COX20: variants seen among roughly 807,000 people sequenced by gnomAD.
COX20 encodes the protein cytochrome c oxidase assembly protein COX20, mitochondrial.
Under a neutral mutation model 14.3 loss-of-function variants are expected in COX20, and 14 were observed. That is an observed-to-expected ratio of 0.98 (90% CI 0.65 to 1.53). The LOEUF (loss-of-function observed/expected upper bound fraction) is 1.53, where lower values mean the gene tolerates loss of function less well. Ranked by LOEUF, COX20 falls within the 40% of genes most tolerant of loss-of-function variation. The pLI, the probability that COX20 is intolerant of heterozygous loss-of-function variation, is 0.00. For missense variants in COX20, 149 were observed against 142.1 expected (o/e 1.05, Z -0.25); for synonymous variants, 56 against 51.7 (o/e 1.08, Z -0.36).
At chr1:244,836,422 T>C in intron 1 of COX20, 3 of 1,427,182 alleles carry the variant, frequency 2.1e-6, no homozygotes, top group South Asian at 2.5e-5. Flanking sequence ...AACCAAGCGC[T>C]CTCCCTGGAA....
chr1:244,838,866 C>T (rs1573310857), intron 1 of COX20, among the ~76,000 whole-genome samples: 1 of 152,018 alleles, frequency 6.6e-6, no homozygotes, highest in Non-Finnish European at 1.5e-5. Context: ...CATCTTGGCT[C>T]ACTGCAACCT....
rs1181998264 is a variant in COX20, at chr1:244,843,877, C to T, written c.*701C>T. 1.3e-5 allele frequency: 2 copies of T among 152,184 alleles called. No individual in the cohort carries two copies. Among genetic ancestry groups the T allele is most frequent in the Non-Finnish European group, 2.9e-5 (2 of 68,034 alleles). 9.4% of individuals were successfully genotyped at this position (152,184 alleles called of 1,614,324 possible). On this transcript the variant is annotated 3_prime_UTR_variant, in exon 4 of 4. Transcript: ENST00000411948. ...AATCCATTTGAAAGTCAATCAGCTG[C>T]TCCCATTAAAATATTATTTAAAATA...
chr1:244,837,926 TTA>T (rs1282548471), intron 1 of COX20, among the ~76,000 whole-genome samples: 5 of 152,202 alleles, frequency 3.3e-5, no homozygotes, highest in African/African-American at 9.7e-5. Context: ...AGAGGACTTA[TTA>T]TAGTCATCTG....
At chr1:244,842,338 A>AT in intron 3 of COX20, 80 bp downstream of exon 3, 5 of 972,910 alleles carry the variant, frequency 5.1e-6, no homozygotes, top group Non-Finnish European at 6.7e-6. Context: ...TTTTCAGAGC[A>AT]GTCTCCCATT....
Position 244,835,735 on chromosome 1 carries a change from C to G in COX20, c.21C>G (p.Pro7=). 1.6e-6 allele frequency: 2 copies of G among 1,260,888 alleles called. No homozygotes were observed. The highest frequency in any genetic ancestry group is 1.0e-6 in the Non-Finnish European group (1 of 999,374). The allele number at this position is 1,260,888 out of a possible 1,614,324, so 78.1% of individuals were successfully genotyped here. Residue 7 remains proline, a synonymous_variant, in exon 1 of 4, where the codon CCC becomes CCG. Transcript: ENST00000411948. MAAPPE[P]GEPEERKSLK... ...TCCTCATGGCCGCCCCGCCGGAGCCCGGTGAGCCCGAGGAGAGGAAGGTAA... is the reference window on the plus strand; with the variant it reads ...TCCTCATGGCCGCCCCGCCGGAGCCGGGTGAGCCCGAGGAGAGGAAGGTAA...
intron 3 of COX20, chr1:244,842,674 TAC>T: frequency 4.3e-6 from 1 of 232,128 alleles, no homozygotes; most frequent in Non-Finnish European, 8.4e-6. Context: ...CATGAATTTC[TAC>T]AGTGAGCTAT....
chr1:244,838,521 C>T (rs941945040), intron 1 of COX20, among the ~76,000 whole-genome samples: 21 of 152,232 alleles, frequency 1.4e-4, no homozygotes, highest in Admixed American at 1.2e-3. Context: ...AACCAGGAGA[C>T]GTATTTGAAG....
rs1332194585 is a variant in COX20, at chr1:244,843,655, G to A, written c.*479G>A. The A allele has an allele frequency of 6.6e-6, 1 of 152,362 alleles. No homozygotes were observed. Among genetic ancestry groups the A allele is most frequent in the Non-Finnish European group, 1.5e-5 (1 of 68,166 alleles). The allele number at this position is 152,362 out of a possible 1,614,324, so 9.4% of individuals were successfully genotyped here. A position where few individuals can be genotyped will look rare whatever the true frequency, so the allele number is the denominator to read the frequency against. On this transcript the variant is annotated 3_prime_UTR_variant, in exon 4 of 4. Coordinates refer to ENST00000411948, the MANE Select transcript of COX20 (RefSeq NM_198076.6). ...TATTTTTTAAATGCATTCATCATTTGACAGTGTTCTCTCATTTCTTAAAAT... is the reference window on the plus strand; with the variant it reads ...TATTTTTTAAATGCATTCATCATTTAACAGTGTTCTCTCATTTCTTAAAAT...
chr1:244,840,619 A>T (rs1164735015), intron 1 of COX20: 1 of 152,204 alleles, frequency 6.6e-6, no homozygotes, highest in Admixed American at 6.5e-5. Flanking sequence ...AGACAGAGGG[A>T]AAAAATGGAA....
chr1:244,836,602 AGGT>A, intron 1 of COX20: 6 of 1,233,018 alleles, frequency 4.9e-6, no homozygotes, highest in Non-Finnish European at 6.9e-6. Flanking sequence ...AGGGCAGAAC[AGGT>A]ATTCAGAAAA....
At chr1:244,836,623 G>GC (rs1321118918) in intron 1 of COX20, 1 of 1,074,906 alleles carries the variant, frequency 9.3e-7, no homozygotes, top group Non-Finnish European at 1.3e-6. Context: ...AAAGAATAAT[G>GC]CAAGAGGAAA....
rs776767802 is a variant in COX20 at position 244,843,120 on chromosome 1, T to C, written c.301T>C (p.Tyr101His). 1.5e-5 allele frequency: 24 copies of C among 1,600,884 alleles called. No homozygotes were observed. In the Admixed American group the frequency reaches 1.8e-4, roughly 12 times the overall value. Residue 101 changes from tyrosine (Y) to histidine (H), a missense_variant, in exon 4 of 4, where the codon TAT becomes CAT. Coordinates refer to ENST00000411948, the MANE Select transcript of COX20 (RefSeq NM_198076.6). Reference protein sequence around the residue: ...AREEIKKKILYEGTHLDPERK... With the variant: ...AREEIKKKILHEGTHLDPERK... ...AGAAGAAATTAAAAAGAAGATATTA[T>C]ATGAAGGTACCCACCTCGATCCTGA...
Position 244,844,589 on chromosome 1 carries a change from C to T in COX20, c.*1413C>T, listed in dbSNP as rs1294097451. 2 of 152,210 alleles carry T rather than the reference C, an allele frequency of 1.3e-5. No homozygotes were observed. Among genetic ancestry groups the T allele is most frequent in the Non-Finnish European group, 2.9e-5 (2 of 68,088 alleles). The allele number at this position is 152,210 out of a possible 1,614,324, so 9.4% of individuals were successfully genotyped here. A position where few individuals can be genotyped will look rare whatever the true frequency, so the allele number is the denominator to read the frequency against. On this transcript the variant is annotated 3_prime_UTR_variant, in exon 4 of 4. Transcript: ENST00000411948. Reference sequence around the variant, plus strand: ...CCTGGCCAACAGGGTGAAACCCTGTCTCGTCTAAAAATACAAAAATTAGCC... The same window carrying T: ...CCTGGCCAACAGGGTGAAACCCTGTTTCGTCTAAAAATACAAAAATTAGCC...
intron 1 of COX20, chr1:244,840,796 C>T (rs1680170768): frequency 6.6e-6 from 1 of 152,162 alleles, no homozygotes; most frequent in African/African-American, 2.4e-5. Context: ...ATCCTTTCCC[C>T]ATTTCTTCTA....
At chr1:244,838,039 CTT>C (rs1274170147) in intron 1 of COX20, among the ~76,000 whole-genome samples, 1 of 152,122 alleles carries the variant, frequency 6.6e-6, no homozygotes, top group East Asian at 1.9e-4. Flanking sequence ...AAAAAATTGT[CTT>C]TTGATGTATC....
At chr1:244,835,928 G>C (rs1036241906) in intron 1 of COX20, among the ~76,000 whole-genome samples, 172 bp downstream of exon 1, 23 of 152,188 alleles carry the variant, frequency 1.5e-4, no homozygotes, top group Non-Finnish European at 2.2e-4. Flanking sequence ...TTTAATCTAA[G>C]TGGCCGGGAC....
intron 2 of COX20, 64 bp downstream of exon 2, chr1:244,842,122 AT>A (rs771476660): frequency 1.3e-4 from 188 of 1,463,300 alleles, no homozygotes; most frequent in African/African-American, 2.8e-4. Flanking sequence ...ATAATGAACT[AT>A]TTTTTTTTCT....
chr1:244,843,196 T>G lies in COX20; in HGVS notation c.*20T>G, dbSNP rs865889424. 1.5e-6 allele frequency: 2 copies of G among 1,346,462 alleles called. No individual in the cohort carries two copies. Among genetic ancestry groups the G allele is most frequent in the African/African-American group, 1.8e-5 (1 of 54,904 alleles). The allele number at this position is 1,346,462 out of a possible 1,614,324, so 83.4% of individuals were successfully genotyped here. ...AATTGAACAATCTTGAGCATAGAAGTCAATGTAAACGAAGTTAAGATCAAC... is the reference window on the plus strand; with the variant it reads ...AATTGAACAATCTTGAGCATAGAAGGCAATGTAAACGAAGTTAAGATCAAC... On this transcript the variant is annotated 3_prime_UTR_variant, in exon 4 of 4. Coordinates refer to ENST00000411948, the MANE Select transcript of COX20 (RefSeq NM_198076.6).
intron 1 of COX20, chr1:244,836,346 T>C: frequency 1.4e-6 from 1 of 690,574 alleles, no homozygotes; most frequent in Admixed American, 2.5e-5. Context: ...CTGCCTAACA[T>C]CCAGTCGTAG....
Sources: allele counts gnomAD v4.1 joint callset (sites outside exome capture counted in the v4.1 genomes callset), GRCh38; gene constraint gnomAD v4.1.1; transcripts MANE v1.5; gene names NCBI Gene and HGNC (gene_info 2026-07-23, HGNC 2026-07-21).